Variants in DNM1 observed in about 807,000 individuals in gnomAD.
DNM1 encodes the protein dynamin 1.
Under a neutral mutation model 104.6 loss-of-function variants are expected in DNM1, and 29 were observed. That is an observed-to-expected ratio of 0.28 (90% CI 0.21 to 0.38). The LOEUF is 0.38. Ranked by LOEUF, DNM1 falls within the 10% of genes least tolerant of loss-of-function variation. DNM1 has a pLI of 1.00. For missense variants in DNM1, 640 were observed against 1,189.4 expected (o/e 0.54, Z 6.79); for synonymous variants, 445 against 475.8 (o/e 0.94, Z 0.84).
At chr9:128,241,993 C>G (rs1038553954) in intron 14 of DNM1, among the ~76,000 whole-genome samples, 4 of 152,300 alleles carry the variant, frequency 2.6e-5, no homozygotes, top group South Asian at 2.1e-4. Flanking sequence ...AGTCCCTTAA[C>G]TCGGCCAGGT....
At chr9:128,246,370 C>T in intron 15 of DNM1, 24 bp from the exon 16 acceptor site, 1 of 1,544,400 alleles carries the variant, frequency 6.5e-7, no homozygotes, top group Non-Finnish European at 9.0e-7. Flanking sequence ...AACCTCACCC[C>T]ATTGCTCCTA....
chr9:128,210,838 T>C (rs1367179994), intron 1 of DNM1, among the ~76,000 whole-genome samples: 25 of 146,954 alleles, frequency 1.7e-4, no homozygotes, highest in Admixed American at 1.7e-3. Flanking sequence ...CCTACACACC[T>C]CAGTGTCTCC....
Position 128,250,023 on chromosome 9 carries a change from C to T in DNM1, c.2077-92C>T, listed in dbSNP as rs797008088. ...TGTAGGAGCCGCGTCTGAAAAGCCA[C>T]ACCAGCTCACAGTCCCAGCAGGGCC... On this transcript the variant is annotated intron_variant, in intron 19 of 21. Transcript: ENST00000372923. The T allele has an allele frequency of 1.4e-5, 22 of 1,592,502 alleles. No individual in the cohort carries two copies. In the African/African-American group the frequency reaches 2.3e-4, roughly 16 times the overall value.
rs1213276285 is a variant in DNM1, at chr9:128,239,507, C to T, written c.1485C>T (p.Gly495=). Residue 495 remains glycine (G), a synonymous_variant, in exon 12 of 22, where the codon GGC becomes GGT. Transcript: ENST00000372923. ...YMNTNHEDFI[G]FANAQQRSNQ... ...ACACCAACCATGAGGACTTCATAGG[C>T]TTTGCCAAGTGAGTGCTCCCCCAGG... 1.2e-6 allele frequency: 2 copies of T among 1,613,546 alleles called. No individual in the cohort carries two copies.
rs10987942 is a variant in DNM1, at chr9:128,239,413, G to C, written c.1423-32G>C. The C allele has an allele frequency of 0.26, 412,257 of 1,589,568 alleles. 65,906 individuals are homozygous for C. Among genetic ancestry groups the C allele is most frequent in the African/African-American group, 0.72 (53,793 of 74,380 alleles). On this transcript the variant is annotated intron_variant, in intron 11 of 21. Transcript: ENST00000372923. ...ATTTTAAAACTTTGTGGTGTCTTTT[G>C]CGCTTGCCCACCAACCTATGTATCC...
intron 10 of DNM1, among the ~76,000 whole-genome samples, chr9:128,231,645 G>T (rs1160155697): frequency 1.3e-5 from 2 of 152,248 alleles, no homozygotes; most frequent in East Asian, 3.9e-4. Flanking sequence ...GAAGTTTAAT[G>T]AGTGTTAATA....
chr9:128,220,212 G>A lies in DNM1; in HGVS notation c.720G>A (p.Lys240=), dbSNP rs969868074. 2.5e-6 allele frequency: 4 copies of A among 1,614,064 alleles called. No individual in the cohort carries two copies. Among genetic ancestry groups the A allele is most frequent in the Non-Finnish European group, 3.4e-6 (4 of 1,180,048 alleles). ...TTGGAGTGGTGAACCGGAGCCAGAAGGACATTGATGGCAAGAAGGACATTA... is the reference window on the plus strand; with the variant it reads ...TTGGAGTGGTGAACCGGAGCCAGAAAGACATTGATGGCAAGAAGGACATTA... ...GYIGVVNRSQ[K]DIDGKKDITA... is the part of the protein sequence containing the mutation. Residue 240 remains lysine, a synonymous_variant, in exon 6 of 22, where the codon AAG becomes AAA. Coordinates refer to ENST00000372923, the MANE Select transcript of DNM1 (RefSeq NM_004408.4). This position sits in a 1 kb window ranked among gnomAD's most constrained non-coding sequence, Gnocchi z 5.2.
At chr9:128,251,168 G>T in intron 21 of DNM1, 1 of 681,074 alleles carries the variant, frequency 1.5e-6, no homozygotes, top group South Asian at 1.5e-5. Context: ...GGAGGGGGCT[G>T]TGGGGCTCGT....
chr9:128,212,494 CAAGG>C (rs971124094), intron 1 of DNM1, among the ~76,000 whole-genome samples: 1 of 151,588 alleles, frequency 6.6e-6, no homozygotes, highest in African/African-American at 2.4e-5. Flanking sequence ...AGGAAGGAAT[CAAGG>C]AAGGAAGGAA....
intron 1 of DNM1, among the ~76,000 whole-genome samples, chr9:128,207,389 T>C (rs1003562535): frequency 6.6e-6 from 1 of 151,634 alleles, no homozygotes; most frequent in Non-Finnish European, 1.5e-5. Context: ...GGAGTGTTTG[T>C]GGACCCAGCA....
rs1835189667 is a variant in DNM1, at chr9:128,224,096, C to T, written c.1197-155C>T. ...AAAAACCCTTCATTAGAACCCCTCC[C>T]TCCCATTTTACAACTGGGGACACTG... On this transcript the variant is annotated intron_variant, in intron 9 of 21. Coordinates refer to ENST00000372923, the MANE Select transcript of DNM1 (RefSeq NM_004408.4). The surrounding 1 kb of genome is among the most constrained non-coding windows in gnomAD (Gnocchi z 4.3). The T allele has an allele frequency of 6.7e-6, 6 of 895,900 alleles. No homozygotes were observed. The highest frequency in any genetic ancestry group is 9.7e-6 in the Non-Finnish European group (6 of 618,828). 55.5% of individuals were successfully genotyped at this position (895,900 alleles called of 1,614,324 possible). A position where few individuals can be genotyped will look rare whatever the true frequency, so the allele number is the denominator to read the frequency against.
At chr9:128,212,927 AAGTCCCTGGCAG>A (rs1274922191) in intron 1 of DNM1, among the ~76,000 whole-genome samples, 1 of 152,206 alleles carries the variant, frequency 6.6e-6, no homozygotes, top group African/African-American at 2.4e-5. Context: ...GTAGATTTTC[AAGTCCCTGGCAG>A]AGTCCCTGGC....
Position 128,247,817 on chromosome 9 carries a change from C to T in DNM1, c.1894-107C>T. 1 of 1,431,152 alleles carries T rather than the reference C, an allele frequency of 7.0e-7. No homozygotes were observed. Among genetic ancestry groups the T allele is most frequent in the South Asian group, 1.3e-5 (1 of 77,340 alleles). The allele number at this position is 1,431,152 out of a possible 1,614,324, so 88.7% of individuals were successfully genotyped here. Reference sequence around the variant, plus strand: ...CTAGAGTAGCCTGAGAGTTGGGGTGCAGTATCCCAGGTTCACTCAATCTCT... The same window carrying T: ...CTAGAGTAGCCTGAGAGTTGGGGTGTAGTATCCCAGGTTCACTCAATCTCT... On this transcript the variant is annotated intron_variant, in intron 17 of 21. Transcript: ENST00000372923. The surrounding 1 kb of genome is among the most constrained non-coding windows in gnomAD (Gnocchi z 5.1).
chr9:128,228,898 G>T (rs140924770), intron 10 of DNM1, among the ~76,000 whole-genome samples: 1 of 151,804 alleles, frequency 6.6e-6, no homozygotes, highest in Non-Finnish European at 1.5e-5. Flanking sequence ...GAGGAGAATC[G>T]CTTGAACCTG....
At position 128,253,285 on chromosome 9, in the gene DNM1, C is replaced by T. The variant is rs1306148214; in HGVS notation, c.2535-1369C>T. The T allele has an allele frequency of 1.4e-6, 1 of 729,780 alleles. No homozygotes were observed. The highest frequency in any genetic ancestry group is 2.3e-6 in the Non-Finnish European group (1 of 436,512). The allele number at this position is 729,780 out of a possible 1,614,324, so 45.2% of individuals were successfully genotyped here. A position where few individuals can be genotyped will look rare whatever the true frequency, so the allele number is the denominator to read the frequency against. On this transcript the variant is annotated intron_variant, in intron 21 of 21. Coordinates refer to ENST00000372923, the MANE Select transcript of DNM1 (RefSeq NM_004408.4). This position sits in a 1 kb window ranked among gnomAD's most constrained non-coding sequence, Gnocchi z 5.9. ...AGACTTGCTCTTTCCTCTTTCTGTC[C>T]TTGTGCCGCTGGCTCTCTCACCTCC...
At chr9:128,207,130 C>T (rs969370288) in intron 1 of DNM1, among the ~76,000 whole-genome samples, 1 of 151,970 alleles carries the variant, frequency 6.6e-6, no homozygotes, top group African/African-American at 2.4e-5. Flanking sequence ...GTGCCATTAA[C>T]AGAGTCGGGA....
chr9:128,218,688 C>T lies in DNM1; in HGVS notation c.342C>T (p.Gly114=), dbSNP rs553331150. 6 of 1,612,234 alleles carry T rather than the reference C, an allele frequency of 3.7e-6. No homozygotes were observed. The highest frequency in any genetic ancestry group is 2.2e-5 in the East Asian group (1 of 44,804). Residue 114 remains glycine, a synonymous_variant, in exon 3 of 22, where the codon GGC becomes GGT. Transcript: ENST00000372923. This position sits in a 1 kb window ranked among gnomAD's most constrained non-coding sequence, Gnocchi z 4.8. ...ACAGGGTCACCGGCACCAACAAGGG[C>T]ATCTCGCCGGTGCCTATCAACCTCC... ...ETDRVTGTNK[G]ISPVPINLRV...
rs2131299485 is a variant in DNM1 at position 128,250,770 on chromosome 9, GC to G, written c.2369del (p.Pro790GlnfsTer98). 5.0e-6 allele frequency: 7 copies of G among 1,400,182 alleles called. No individual in the cohort carries two copies. Among genetic ancestry groups the G allele is most frequent in the Non-Finnish European group, 4.6e-6 (5 of 1,083,952 alleles). The allele number at this position is 1,400,182 out of a possible 1,614,324, so 86.7% of individuals were successfully genotyped here. The stretch of plus-strand genomic sequence containing the variant: ...CGCCGCAGCGCCGAGCCCCCGCCGT[GC>G]CCCCAGCCCGGCCCGGGTCGCGGGG... ...PTPQRRAPAV[P>X]PARPGSRGPA... On this transcript the variant is annotated frameshift_variant, in exon 21 of 22. Coordinates refer to ENST00000372923, the MANE Select transcript of DNM1 (RefSeq NM_004408.4). LOFTEE classifies it high-confidence loss of function.
intron 10 of DNM1, chr9:128,226,050 A>T: frequency 6.2e-7 from 1 of 1,612,300 alleles, no homozygotes; most frequent in Non-Finnish European, 8.5e-7. Flanking sequence ...GCCTCTTCAC[A>T]CCTGACCTCG....
Sources: allele counts gnomAD v4.1 joint callset (sites outside exome capture counted in the v4.1 genomes callset), GRCh38; gene constraint gnomAD v4.1.1; non-coding constraint Gnocchi (gnomAD v3.1); transcripts MANE v1.5; gene names NCBI Gene and HGNC (gene_info 2026-07-23, HGNC 2026-07-21).